ARL5B: variants seen among roughly 807,000 people sequenced by gnomAD.
ARL5B encodes the protein ADP-ribosylation factor-like protein 5B.
In ARL5B, 10 loss-of-function variants were observed where a neutral mutation model predicts 26.9. The observed-to-expected ratio is 0.37, with a 90% CI of 0.23 to 0.63. The LOEUF is 0.63. Ranked by LOEUF, ARL5B falls within the 30% of genes least tolerant of loss-of-function variation. The probability of loss-of-function intolerance (pLI) is 0.62; values close to 1 mark genes in which losing one functional copy is unlikely to be tolerated. For synonymous variants in ARL5B, 87 were observed against 70.4 expected (o/e 1.24, Z -1.18); for missense variants, 167 against 213.9 (o/e 0.78, Z 1.37).
rs567598534 is a variant in ARL5B, at chr10:18,678,514, G to T, written c.*3298G>T. 1.2e-4 allele frequency: 18 copies of T among 151,914 alleles called. No homozygotes were observed. The highest frequency in any genetic ancestry group is 4.3e-4 in the African/African-American group (18 of 41,512). 9.4% of individuals were successfully genotyped at this position (151,914 alleles called of 1,614,324 possible). A position where few individuals can be genotyped will look rare whatever the true frequency, so the allele number is the denominator to read the frequency against. On this transcript the variant is annotated 3_prime_UTR_variant, in exon 6 of 6. Coordinates refer to ENST00000377275, the MANE Select transcript of ARL5B (RefSeq NM_178815.5). ...TTTTTTAAAAAATCTTTTTAGTGTA[G>T]TTTCTTAGAACAAATTATAAACATA...
chr10:18,661,794 C>A (rs562006834), intron 1 of ARL5B, among the ~76,000 whole-genome samples: 1 of 152,082 alleles, frequency 6.6e-6, no homozygotes. Context: ...ATAGAAGGGA[C>A]GTGTTATTCT....
intron 1 of ARL5B, among the ~76,000 whole-genome samples, chr10:18,664,203 C>T (rs1453126046): frequency 6.6e-6 from 1 of 152,072 alleles, no homozygotes; most frequent in Non-Finnish European, 1.5e-5. Context: ...CTGCCCACCT[C>T]AGCCTACTGA....
At position 18,677,015 on chromosome 10, in the gene ARL5B, G is replaced by T. The variant is rs1009846653; in HGVS notation, c.*1799G>T. On this transcript the variant is annotated 3_prime_UTR_variant, in exon 6 of 6. Coordinates refer to ENST00000377275, the MANE Select transcript of ARL5B (RefSeq NM_178815.5). ...CATGAGCGAAAAGCAGACATAAATC[G>T]ATATGGATGGTTTGTGGTGTGTGTG... 1 of 152,162 alleles carries T rather than the reference G, an allele frequency of 6.6e-6. No homozygotes were observed. The highest frequency in any genetic ancestry group is 1.5e-5 in the Non-Finnish European group (1 of 67,822). 9.4% of individuals were successfully genotyped at this position (152,162 alleles called of 1,614,324 possible). A position where few individuals can be genotyped will look rare whatever the true frequency, so the allele number is the denominator to read the frequency against.
chr10:18,661,966 T>A (rs1307946026), intron 1 of ARL5B, among the ~76,000 whole-genome samples: 1 of 152,168 alleles, frequency 6.6e-6, no homozygotes, highest in Non-Finnish European at 1.5e-5. Context: ...ACAGAGGGCC[T>A]CCAGTGTTGA....
chr10:18,667,711 A>G (rs995335395), intron 2 of ARL5B, among the ~76,000 whole-genome samples: 9 of 151,828 alleles, frequency 5.9e-5, no homozygotes, highest in African/African-American at 7.3e-5. Context: ...ATATATATAT[A>G]TATACACACA....
chr10:18,668,825 A>C lies in ARL5B; in HGVS notation c.255+148A>C. On this transcript the variant is annotated intron_variant, in intron 3 of 5. Transcript: ENST00000377275. ...TTGCTCTGTCGCCAGGCTAGAGTGC[A>C]GTGGAGTGATCTTGGCTCGCTGCAA... is the stretch of plus-strand genomic sequence containing the variant. The C allele has an allele frequency of 4.1e-6, 3 of 724,308 alleles. No homozygotes were observed. In the South Asian group the frequency reaches 6.5e-5, roughly 16 times the overall value. The allele number at this position is 724,308 out of a possible 1,614,324, so 44.9% of individuals were successfully genotyped here. A position where few individuals can be genotyped will look rare whatever the true frequency, so the allele number is the denominator to read the frequency against.
Position 18,675,336 on chromosome 10 carries a change from A to G in ARL5B, c.*120A>G, listed in dbSNP as rs2059905894. The stretch of plus-strand genomic sequence containing the variant: ...ATAACAACACAAACCTCTGAGAGCA[A>G]CACTTGAATCAAGTGCAGCTGAACT... On this transcript the variant is annotated 3_prime_UTR_variant, in exon 6 of 6. Transcript: ENST00000377275. 7 of 945,576 alleles carry G rather than the reference A, an allele frequency of 7.4e-6. No homozygotes were observed. The Admixed American group carries it at 1.6e-4, about 21-fold the overall frequency. 58.6% of individuals were successfully genotyped at this position (945,576 alleles called of 1,614,324 possible).
At chr10:18,663,680 C>T (rs997632421) in intron 1 of ARL5B, among the ~76,000 whole-genome samples, 1 of 150,762 alleles carries the variant, frequency 6.6e-6, no homozygotes, top group Non-Finnish European at 1.5e-5. Context: ...TCCCAAGTAG[C>T]TGGGACTACA....
chr10:18,677,591 C>T lies in ARL5B; in HGVS notation c.*2375C>T, dbSNP rs1489458729. On this transcript the variant is annotated 3_prime_UTR_variant, in exon 6 of 6. Coordinates refer to ENST00000377275, the MANE Select transcript of ARL5B (RefSeq NM_178815.5). ...TAACGTGAAAACTGATTATTCTTTA[C>T]TCCAAGAGAATGTTTTAACCCAAGC... 1 of 152,236 alleles carries T rather than the reference C, an allele frequency of 6.6e-6. No homozygotes were observed. Among genetic ancestry groups the T allele is most frequent in the Non-Finnish European group, 1.5e-5 (1 of 67,786 alleles). 9.4% of individuals were successfully genotyped at this position (152,236 alleles called of 1,614,324 possible). A position where few individuals can be genotyped will look rare whatever the true frequency, so the allele number is the denominator to read the frequency against.
intron 1 of ARL5B, 195 bp downstream of exon 1, chr10:18,659,878 G>C (rs1257637054): frequency 5.1e-6 from 5 of 985,234 alleles, no homozygotes; most frequent in Non-Finnish European, 6.0e-6. Flanking sequence ...GAGAAATAGG[G>C]AGGCAGAAGA....
At position 18,664,674 on chromosome 10, in the gene ARL5B, G is replaced by C. The variant is rs553904178; in HGVS notation, c.47-1901G>C. Among the ~76,000 whole-genome samples the C allele has an allele frequency of 1.3e-4, 19 of 150,876 alleles. No individual in the cohort carries two copies. In the East Asian group the frequency reaches 2.0e-3, roughly 16 times the overall value. ...AGGATGGTCTTGATCTCCTGACCTC[G>C]TGATCCTCCCACCTCGGCCTCCCAA... is the stretch of plus-strand genomic sequence containing the variant. On this transcript the variant is annotated intron_variant, in intron 1 of 5. Coordinates refer to ENST00000377275, the MANE Select transcript of ARL5B (RefSeq NM_178815.5).
chr10:18,675,564 C>T lies in ARL5B; in HGVS notation c.*348C>T. The T allele has an allele frequency of 4.7e-6, 1 of 212,578 alleles. No individual in the cohort carries two copies. The highest frequency in any genetic ancestry group is 8.1e-5 in the South Asian group (1 of 12,282). The allele number at this position is 212,578 out of a possible 1,614,324, so 13.2% of individuals were successfully genotyped here. ...CCTTAATGACCAATTGCTTTCAATT[C>T]TTGACCAGCACTCCCTCCCAACCAG... On this transcript the variant is annotated 3_prime_UTR_variant, in exon 6 of 6. Transcript: ENST00000377275.
intron 1 of ARL5B, among the ~76,000 whole-genome samples, chr10:18,660,183 A>T (rs1336122957): frequency 6.6e-6 from 1 of 151,978 alleles, no homozygotes; most frequent in Non-Finnish European, 1.5e-5. Flanking sequence ...GAGTTGTCCT[A>T]TTCAGATGCA....
rs1387285836 is a variant in ARL5B at position 18,681,030 on chromosome 10, T to C, written c.*5814T>C. ...TTAAGATTTAAATACAAACTGTTGT[T>C]ACTCCTTAAGCTTCAGGCTTTCTGC... is the stretch of plus-strand genomic sequence containing the variant. On this transcript the variant is annotated 3_prime_UTR_variant, in exon 6 of 6. Transcript: ENST00000377275. 1 of 152,190 alleles carries C rather than the reference T, an allele frequency of 6.6e-6. No homozygotes were observed. Among genetic ancestry groups the C allele is most frequent in the Non-Finnish European group, 1.5e-5 (1 of 68,020 alleles). 9.4% of individuals were successfully genotyped at this position (152,190 alleles called of 1,614,324 possible). A position where few individuals can be genotyped will look rare whatever the true frequency, so the allele number is the denominator to read the frequency against.
rs2059921553 is a variant in ARL5B at position 18,678,940 on chromosome 10, TG to T, written c.*3725del. On this transcript the variant is annotated 3_prime_UTR_variant, in exon 6 of 6. Transcript: ENST00000377275. ...AGGAACTTAAACTACAGCTCTAAAA[TG>T]TCTTTTGGTTTTAAAATTCTGAATG... is the stretch of plus-strand genomic sequence containing the variant. The T allele has an allele frequency of 6.6e-6, 1 of 151,910 alleles. No homozygotes were observed. Among genetic ancestry groups the T allele is most frequent in the African/African-American group, 2.4e-5 (1 of 41,440 alleles). 9.4% of individuals were successfully genotyped at this position (151,910 alleles called of 1,614,324 possible).
intron 4 of ARL5B, among the ~76,000 whole-genome samples, chr10:18,673,459 G>GATTATCC: frequency 6.6e-6 from 1 of 152,116 alleles, no homozygotes; most frequent in South Asian, 2.1e-4. Context: ...AATATATTCT[G>GATTATCC]ATTATCCATC....
intron 1 of ARL5B, chr10:18,660,021 T>C (rs1590221651): frequency 2.3e-6 from 2 of 881,140 alleles, no homozygotes; most frequent in Non-Finnish European, 1.4e-6. Flanking sequence ...CTTGTGTCTA[T>C]GTGTATCCCC....
intron 1 of ARL5B, among the ~76,000 whole-genome samples, chr10:18,664,330 C>T (rs556735901): frequency 6.6e-6 from 1 of 151,436 alleles, no homozygotes; most frequent in Non-Finnish European, 1.5e-5. Flanking sequence ...TAACTGATCA[C>T]TTCTCCTTGG....
intron 1 of ARL5B, among the ~76,000 whole-genome samples, chr10:18,664,466 C>T (rs1241205128): frequency 9.4e-6 from 1 of 106,142 alleles, no homozygotes; most frequent in African/African-American, 3.7e-5. Context: ...GAGATGGAGT[C>T]TCGCTCTGTT....
Sources: gnomAD v4.1 joint callset for allele counts (sites outside exome capture counted in the v4.1 genomes callset) on GRCh38, gnomAD v4.1.1 for gene constraint, MANE v1.5 for transcripts, NCBI Gene and HGNC (gene_info 2026-07-23, HGNC 2026-07-21) for gene names.